Variants in ADARB1 observed in about 807,000 individuals in gnomAD.
The protein encoded by ADARB1 is double-stranded RNA-specific editase 1.
In ADARB1, 10 loss-of-function variants were observed where a neutral mutation model predicts 52.4. The ratio of observed to expected loss-of-function variants is 0.19; its 90% CI spans 0.12 to 0.32. The LOEUF is 0.32. ADARB1 is among the 10% of genes least tolerant of loss of function. The pLI is 1.00. For synonymous variants in ADARB1, 349 were observed against 371.1 expected, an observed-to-expected ratio of 0.94 and a Z score of 0.68; for missense variants, 643 against 922.3, an observed-to-expected ratio of 0.70 and a Z score of 3.92.
At chr21:45,088,083 A>C (rs576340759) in intron 1 of ADARB1, among the ~76,000 whole-genome samples, 3 of 152,318 alleles carry the variant, frequency 2.0e-5, no homozygotes, top group African/African-American at 7.2e-5. Flanking sequence ...GATAGGTGTC[A>C]GTGTGACTCT....
chr21:45,176,620 C>G lies in ADARB1; in HGVS notation c.919C>G (p.Arg307Gly). The change falls in exon 4 of 11, where the codon CGC becomes GGC. Residue 307 changes from arginine (R) to glycine (G), a missense_variant. This residue lies in a region of ADARB1 where 380 missense variants were observed against 446.5 expected (regional missense o/e 0.85). Coordinates refer to ENST00000348831, the MANE Select transcript of ADARB1 (RefSeq NM_001112.4). This position sits in a 1 kb window ranked among gnomAD's most constrained non-coding sequence, Gnocchi z 5.8. Reference protein sequence around the residue: ...FNLHLDQTPSRQPIPSEGLQL... With the variant: ...FNLHLDQTPSGQPIPSEGLQL... Reference sequence around the variant, plus strand: ...CTTGCACTTGGATCAGACGCCATCTCGCCAGCCTATTCCCAGTGAGGGTCT... The same window carrying G: ...CTTGCACTTGGATCAGACGCCATCTGGCCAGCCTATTCCCAGTGAGGGTCT... The G allele has an allele frequency of 6.2e-7, 1 of 1,613,636 alleles. No individual in the cohort carries two copies. The highest frequency in any genetic ancestry group is 1.3e-5 in the African/African-American group (1 of 75,012).
chr21:45,136,717 G>A (rs567996482), intron 2 of ADARB1, among the ~76,000 whole-genome samples: 1 of 152,356 alleles, frequency 6.6e-6, no homozygotes, highest in South Asian at 2.1e-4. Context: ...CCCAGAGGAG[G>A]CACCCTGCCG....
At chr21:45,109,541 A>T (rs569516275) in intron 1 of ADARB1, among the ~76,000 whole-genome samples, 2 of 152,122 alleles carry the variant, frequency 1.3e-5, no homozygotes, top group African/African-American at 4.8e-5. Context: ...CTGCGTCACC[A>T]CTTCCTGATG....
At chr21:45,121,025 A>G (rs1047794619) in intron 1 of ADARB1, 1 of 152,104 alleles carries the variant, frequency 6.6e-6, no homozygotes, top group Non-Finnish European at 1.5e-5. Flanking sequence ...TAAATATGCT[A>G]ATTTTGTTAT....
intron 9 of ADARB1, among the ~76,000 whole-genome samples, chr21:45,210,979 G>A (rs17004754): frequency 0.032 from 4,861 of 152,302 alleles, 107 homozygotes; most frequent in Middle Eastern, 0.048. Flanking sequence ...TTCCACAGCT[G>A]GTGTTCTAAA....
At chr21:45,175,676 T>C in intron 3 of ADARB1, 54 bp from the exon 4 acceptor site, 1 of 1,574,574 alleles carries the variant, frequency 6.4e-7, no homozygotes, top group South Asian at 1.2e-5. Context: ...AAATTTTGCA[T>C]TTACAAGATC....
chr21:45,131,473 A>C (rs2088927879), intron 2 of ADARB1, among the ~76,000 whole-genome samples: 1 of 152,212 alleles, frequency 6.6e-6, no homozygotes, highest in African/African-American at 2.4e-5. Context: ...CAGCCTTTCC[A>C]CCTGCATGGA....
intron 2 of ADARB1, among the ~76,000 whole-genome samples, chr21:45,132,624 G>A (rs2089023954): frequency 6.6e-6 from 1 of 152,180 alleles, no homozygotes; most frequent in Admixed American, 6.5e-5. Context: ...GGGCTTAGGG[G>A]ATGTGAGGGA....
Position 45,157,993 on chromosome 21 carries a change from C to T in ADARB1, c.-47-13617C>T, listed in dbSNP as rs1458807454. Among the ~76,000 whole-genome samples, 1 of 152,270 alleles carries T rather than the reference C, an allele frequency of 6.6e-6. No homozygotes were observed. Among genetic ancestry groups the T allele is most frequent in the Non-Finnish European group, 1.5e-5 (1 of 68,052 alleles). On this transcript the variant is annotated intron_variant, in intron 2 of 10. Transcript: ENST00000348831. The surrounding 1 kb of genome is among the most constrained non-coding windows in gnomAD (Gnocchi z 4.1). ...CACAGGAGGCGAGCCTGTGTCCTTG[C>T]CCATCACCTCTTTCCAGCTGGTGTC... is the stretch of plus-strand genomic sequence containing the variant.
chr21:45,202,522 A>G (rs540891584), intron 8 of ADARB1, among the ~76,000 whole-genome samples: 1 of 152,278 alleles, frequency 6.6e-6, no homozygotes, highest in South Asian at 2.1e-4. Context: ...ATTGTCAGGC[A>G]GAGGCTGTGC....
At chr21:45,106,560 T>C (rs1266137754) in intron 1 of ADARB1, among the ~76,000 whole-genome samples, 1 of 152,216 alleles carries the variant, frequency 6.6e-6, no homozygotes, top group Non-Finnish European at 1.5e-5. Flanking sequence ...TTTCTCTTAC[T>C]CTCCGGATGA....
chr21:45,196,622 T>TA (rs1350292291), intron 8 of ADARB1, among the ~76,000 whole-genome samples: 4 of 152,232 alleles, frequency 2.6e-5, no homozygotes, highest in African/African-American at 7.2e-5. Context: ...AATCCACTGT[T>TA]ACTCTCAAAA....
chr21:45,204,342 A>C lies in ADARB1; in HGVS notation c.1566-213A>C, dbSNP rs1235520951. 6.6e-6 allele frequency among the ~76,000 whole-genome samples: 1 copy of C among 152,242 alleles called. No individual in the cohort carries two copies. Among genetic ancestry groups the C allele is most frequent in the Non-Finnish European group, 1.5e-5 (1 of 68,048 alleles). On this transcript the variant is annotated intron_variant, in intron 8 of 10. Coordinates refer to ENST00000348831, the MANE Select transcript of ADARB1 (RefSeq NM_001112.4). The surrounding 1 kb of genome is among the most constrained non-coding windows in gnomAD (Gnocchi z 4.4). ...ATTGTGGGAAAACGTAATGGTAAAAACAAACACAGTGTAAAATAACTTTTA... is the reference window on the plus strand; with the variant it reads ...ATTGTGGGAAAACGTAATGGTAAAACCAAACACAGTGTAAAATAACTTTTA...
intron 8 of ADARB1, among the ~76,000 whole-genome samples, chr21:45,203,492 G>T (rs1240230457): frequency 6.6e-6 from 1 of 152,166 alleles, no homozygotes; most frequent in Non-Finnish European, 1.5e-5. Flanking sequence ...TGTGTATGTA[G>T]CGCCCAGCAA....
At position 45,128,895 on chromosome 21, in the gene ADARB1, T is replaced by C. The variant is rs376174871; in HGVS notation, c.-48+322T>C. ...CACCATTTATTGAGTCAGTGCTTCA[T>C]GCCGGGCACTAGACTTGGTGAAAGC... On this transcript the variant is annotated intron_variant, in intron 2 of 10. Transcript: ENST00000348831. This position sits in a 1 kb window ranked among gnomAD's most constrained non-coding sequence, Gnocchi z 4.6. Among the ~76,000 whole-genome samples, 14 of 152,328 alleles carry C rather than the reference T, an allele frequency of 9.2e-5. No homozygotes were observed. Among genetic ancestry groups the C allele is most frequent in the African/African-American group, 3.4e-4 (14 of 41,572 alleles).
intron 9 of ADARB1, among the ~76,000 whole-genome samples, chr21:45,210,070 C>G (rs776053881): frequency 6.6e-6 from 1 of 152,238 alleles, no homozygotes; most frequent in African/African-American, 2.4e-5. Context: ...GGCCGCCACA[C>G]GGCTCCGTCT....
At chr21:45,205,349 T>G (rs1301922212) in intron 9 of ADARB1, among the ~76,000 whole-genome samples, 2 of 152,236 alleles carry the variant, frequency 1.3e-5, no homozygotes, top group African/African-American at 4.8e-5. Flanking sequence ...TTCCTCTCAC[T>G]CAGGCACTGT....
At chr21:45,114,089 G>A (rs2087700212) in intron 1 of ADARB1, among the ~76,000 whole-genome samples, 1 of 152,232 alleles carries the variant, frequency 6.6e-6, no homozygotes, top group East Asian at 1.9e-4. Flanking sequence ...CCAATCAGAG[G>A]TTGCCATCCT....
intron 1 of ADARB1, among the ~76,000 whole-genome samples, chr21:45,126,189 A>G (rs1025474412): frequency 2.0e-5 from 3 of 152,114 alleles, no homozygotes; most frequent in Non-Finnish European, 4.4e-5. Flanking sequence ...GCTCTGTCTG[A>G]TTTCAGCCAC....
Sources: allele counts gnomAD v4.1 joint callset (sites outside exome capture counted in the v4.1 genomes callset), GRCh38; gene constraint gnomAD v4.1.1; regional missense constraint gnomAD v4.1.1; non-coding constraint Gnocchi (gnomAD v3.1); transcripts MANE v1.5; gene names NCBI Gene and HGNC (gene_info 2026-07-23, HGNC 2026-07-21).